Variants in NRG1 observed in about 807,000 individuals in gnomAD.
The protein encoded by NRG1 is neuregulin 1.
Under a neutral mutation model 63.8 loss-of-function variants are expected in NRG1, and 18 were observed. That is an observed-to-expected ratio of 0.28 (90% confidence interval 0.19 to 0.42). The LOEUF (loss-of-function observed/expected upper bound fraction) is 0.42. Among genes scored for constraint, NRG1 ranks in the 10% least tolerant of loss-of-function variants. The probability of loss-of-function intolerance (pLI) is 1.00; values close to 1 mark genes in which losing one functional copy is unlikely to be tolerated. For synonymous variants in NRG1, 302 were observed against 301.3 expected (o/e 1.00, Z -0.02); for missense variants, 762 against 814.7 (o/e 0.94, Z 0.79).
At chr8:31,693,909 C>G (rs962499223) in intron 1 of NRG1, among the ~76,000 whole-genome samples, 2 of 152,090 alleles carry the variant, frequency 1.3e-5, no homozygotes, top group Non-Finnish European at 2.9e-5. Context: ...GAGGTCTTGG[C>G]TTATTGTAAC....
intron 1 of NRG1, among the ~76,000 whole-genome samples, chr8:31,976,961 A>C (rs1050741453): frequency 2.0e-5 from 3 of 152,164 alleles, no homozygotes; most frequent in African/African-American, 7.2e-5. Context: ...TGAAGATGAA[A>C]TGTTTGTGGT....
intron 1 of NRG1, among the ~76,000 whole-genome samples, chr8:31,853,979 A>G (rs1164962486): frequency 6.7e-6 from 1 of 148,682 alleles, no homozygotes; most frequent in East Asian, 2.0e-4. Context: ...ATCATGGTGG[A>G]TAAGCTTTTT....
At chr8:32,304,224 A>G (rs1178053309) in intron 1 of NRG1, among the ~76,000 whole-genome samples, 2 of 152,264 alleles carry the variant, frequency 1.3e-5, no homozygotes, top group Non-Finnish European at 2.9e-5. Context: ...ATCTTTCATC[A>G]AAGTACCAGT....
chr8:32,719,550 G>A (rs1429494990), intron 5 of NRG1, among the ~76,000 whole-genome samples: 1 of 151,858 alleles, frequency 6.6e-6, no homozygotes, highest in African/African-American at 2.4e-5. Context: ...AAAAATTAAT[G>A]ATAACCCCTT....
At chr8:31,654,519 G>A (rs1333363331) in intron 1 of NRG1, among the ~76,000 whole-genome samples, 2 of 152,180 alleles carry the variant, frequency 1.3e-5, no homozygotes, top group Non-Finnish European at 2.9e-5. Flanking sequence ...CTTTGCCATC[G>A]GCTGTTCGGC....
At chr8:32,465,004 G>A (rs748918260) in intron 1 of NRG1, among the ~76,000 whole-genome samples, 10 of 152,026 alleles carry the variant, frequency 6.6e-5, no homozygotes, top group Admixed American at 1.3e-4. Flanking sequence ...GTGAAAACCC[G>A]TCTCTACTAA....
intron 5 of NRG1, among the ~76,000 whole-genome samples, chr8:32,668,400 C>T (rs970703449): frequency 3.3e-5 from 5 of 152,096 alleles, no homozygotes; most frequent in Non-Finnish European, 5.9e-5. Flanking sequence ...TAGTGGGTCT[C>T]AGTCAGAAAA....
chr8:31,849,628 T>C (rs2062057), intron 1 of NRG1, among the ~76,000 whole-genome samples: 23,124 of 152,208 alleles, frequency 0.15, 2,056 homozygotes, highest in Non-Finnish European at 0.19. Flanking sequence ...CAAATAGCAT[T>C]GCATTATCCT....
At chr8:32,749,402 G>A (rs1462763063) in intron 7 of NRG1, 2 of 755,792 alleles carry the variant, frequency 2.6e-6, no homozygotes, top group East Asian at 2.6e-5. Flanking sequence ...AGGCGTACCT[G>A]AGCACTGCTT....
intron 1 of NRG1, among the ~76,000 whole-genome samples, chr8:32,400,662 A>G (rs1013218696): frequency 3.3e-5 from 5 of 152,208 alleles, no homozygotes; most frequent in African/African-American, 1.2e-4. Flanking sequence ...CTGACAGAGT[A>G]AAGGGAACGC....
At chr8:32,406,181 A>G (rs762354972) in intron 1 of NRG1, among the ~76,000 whole-genome samples, 4 of 152,124 alleles carry the variant, frequency 2.6e-5, no homozygotes, top group Non-Finnish European at 5.9e-5. Flanking sequence ...CAGTGCCCTC[A>G]TCTTAAATAT....
intron 1 of NRG1, among the ~76,000 whole-genome samples, chr8:31,933,827 A>G (rs1310983889): frequency 6.6e-6 from 1 of 152,192 alleles, no homozygotes; most frequent in African/African-American, 2.4e-5. Flanking sequence ...ACCAGTTATT[A>G]CTACCTAAAA....
intron 5 of NRG1, among the ~76,000 whole-genome samples, chr8:32,715,150 C>T (rs1284563290): frequency 1.3e-5 from 2 of 152,044 alleles, no homozygotes; most frequent in African/African-American, 4.8e-5. Flanking sequence ...AAAGACAGGG[C>T]CTCACCATGT....
chr8:31,675,345 A>C (rs555189578), intron 1 of NRG1, among the ~76,000 whole-genome samples: 12 of 152,318 alleles, frequency 7.9e-5, no homozygotes, highest in Non-Finnish European at 1.0e-4. Flanking sequence ...CCATCTCAAA[A>C]GAAAAAAGTT....
intron 1 of NRG1, among the ~76,000 whole-genome samples, chr8:31,715,268 G>C (rs1416808525): frequency 6.6e-6 from 1 of 152,012 alleles, no homozygotes; most frequent in Non-Finnish European, 1.5e-5. Flanking sequence ...AAGTTTCTTT[G>C]ACAAAAAGGT....
chr8:32,600,571 A>G (rs1844166239), intron 2 of NRG1, among the ~76,000 whole-genome samples: 1 of 152,202 alleles, frequency 6.6e-6, no homozygotes, highest in South Asian at 2.1e-4. Context: ...TATTAAAAAA[A>G]TGAAAAGGAA....
At chr8:32,217,171 C>G (rs1469411346) in intron 1 of NRG1, among the ~76,000 whole-genome samples, 3 of 145,276 alleles carry the variant, frequency 2.1e-5, no homozygotes, top group African/African-American at 7.9e-5. Context: ...CAAGATCGAG[C>G]CACTGAAACC....
intron 1 of NRG1, among the ~76,000 whole-genome samples, chr8:31,762,726 G>A (rs1167845642): frequency 4.6e-5 from 7 of 152,034 alleles, no homozygotes; most frequent in African/African-American, 1.7e-4. Flanking sequence ...CCCATATAAA[G>A]AATTCTTGAT....
intron 1 of NRG1, among the ~76,000 whole-genome samples, chr8:31,916,657 A>G (rs529795937): frequency 4.1e-4 from 62 of 152,302 alleles, no homozygotes; most frequent in African/African-American, 1.4e-3. Flanking sequence ...TAGTGCTGCA[A>G]TAAACACATG....
Sources: allele counts gnomAD v4.1 joint callset (sites outside exome capture counted in the v4.1 genomes callset), GRCh38; gene constraint gnomAD v4.1.1; transcripts MANE v1.5; gene names NCBI Gene and HGNC (gene_info 2026-07-23, HGNC 2026-07-21).